The following EPS8 variants were observed in gnomAD, a reference collection of about 807,000 sequenced individuals.
EPS8 encodes the protein epidermal growth factor receptor kinase substrate 8.
A neutral mutation model predicts 103.8 loss-of-function variants in EPS8; 42 were observed. That is an observed-to-expected ratio of 0.40 (90% CI 0.32 to 0.52). The LOEUF (loss-of-function observed/expected upper bound fraction) is 0.52. Among genes scored for constraint, EPS8 ranks in the 20% least tolerant of loss-of-function variants. The probability of loss-of-function intolerance (pLI) is 0.40; values close to 1 mark genes in which losing one functional copy is unlikely to be tolerated. For synonymous variants in EPS8, 344 were observed against 344.6 expected (o/e 1.00, Z 0.02); for missense variants, 969 against 1,005.1 (o/e 0.96, Z 0.49).
rs768288817 is a variant in EPS8 at position 15,702,193 on chromosome 12, T to A, written c.-21-19221A>T. Among the ~76,000 whole-genome samples the A allele has an allele frequency of 1.1e-4, 16 of 152,130 alleles. No homozygotes were observed. The highest frequency in any genetic ancestry group is 1.2e-4 in the Non-Finnish European group (8 of 68,010). On this transcript the variant is annotated intron_variant, in intron 1 of 20. Coordinates refer to ENST00000281172, the MANE Select transcript of EPS8 (RefSeq NM_004447.6). The surrounding 1 kb of genome is among the most constrained non-coding windows in gnomAD (Gnocchi z 5.1). ...AGAGCAGCAGCCTAAGGAAACAGAA[T>A]ATATTCCCCCTGTTAACACCACTCT... is the stretch of plus-strand genomic sequence containing the variant.
rs1946199103 is a variant in EPS8 at position 15,693,285 on chromosome 12, T to C, written c.-21-10313A>G. Among the ~76,000 whole-genome samples, 1 of 152,194 alleles carries C rather than the reference T, an allele frequency of 6.6e-6. No individual in the cohort carries two copies. Among genetic ancestry groups the C allele is most frequent in the Non-Finnish European group, 1.5e-5 (1 of 68,038 alleles). On this transcript the variant is annotated intron_variant, in intron 1 of 20. Coordinates refer to ENST00000281172, the MANE Select transcript of EPS8 (RefSeq NM_004447.6). This position sits in a 1 kb window ranked among gnomAD's most constrained non-coding sequence, Gnocchi z 5.6. ...AATAAGTGGAAGAAGTCAGCCAGGG[T>C]TGTCTTACTGTTTACTAAGCATTTC...
In EPS8 at chr12:15,712,101, T is replaced by G. The variant is rs572328009; in HGVS notation, c.-21-29129A>C. The stretch of plus-strand genomic sequence containing the variant: ...TTATAGATCTTTATATATTATGAAT[T>G]ACATGTTTGTCACTAACTCAAGTTT... On this transcript the variant is annotated intron_variant, in intron 1 of 20. Coordinates refer to ENST00000281172, the MANE Select transcript of EPS8 (RefSeq NM_004447.6). 2.6e-5 allele frequency among the ~76,000 whole-genome samples: 4 copies of G among 152,300 alleles called. No homozygotes were observed. The East Asian group carries it at 5.8e-4, about 22-fold the overall frequency.
chr12:15,750,076 A>G (rs957434316), intron 1 of EPS8, among the ~76,000 whole-genome samples: 4 of 152,168 alleles, frequency 2.6e-5, no homozygotes, highest in Non-Finnish European at 5.9e-5. Flanking sequence ...GGATGAAGAT[A>G]AGAAGAAAAC....
chr12:15,643,370 C>T (rs1180919614), intron 15 of EPS8, among the ~76,000 whole-genome samples: 1 of 152,052 alleles, frequency 6.6e-6, no homozygotes, highest in Non-Finnish European at 1.5e-5. Context: ...TTTTTGCCCT[C>T]TATATGTTAA....
At position 15,749,307 on chromosome 12, in the gene EPS8, A is replaced by AT. The variant is rs1337450876; in HGVS notation, c.-22+39853dup. ...CGCTGTCTGTGGCATTTCATTGACA[A>AT]TTCATGCATTATAATTTATTGAAAT... On this transcript the variant is annotated intron_variant, in intron 1 of 20. Transcript: ENST00000281172. The surrounding 1 kb of genome is among the most constrained non-coding windows in gnomAD (Gnocchi z 4.0). Among the ~76,000 whole-genome samples the AT allele has an allele frequency of 1.3e-5, 2 of 152,094 alleles. No homozygotes were observed. Among genetic ancestry groups the AT allele is most frequent in the Non-Finnish European group, 2.9e-5 (2 of 68,018 alleles).
At chr12:15,783,278 G>A (rs1439618132) in intron 1 of EPS8, among the ~76,000 whole-genome samples, 7 of 152,034 alleles carry the variant, frequency 4.6e-5, no homozygotes, top group Non-Finnish European at 1.0e-4. Flanking sequence ...GTAGTTTATT[G>A]TAAGAATACA....
chr12:15,667,643 G>A (rs1274301657), intron 6 of EPS8, among the ~76,000 whole-genome samples: 1 of 151,940 alleles, frequency 6.6e-6, no homozygotes, highest in Admixed American at 6.6e-5. Flanking sequence ...TGCAAAGGTG[G>A]GCAGGAGCAT....
At position 15,689,926 on chromosome 12, in the gene EPS8, G is replaced by A. The variant is rs78182898; in HGVS notation, c.-21-6954C>T. Reference sequence around the variant, plus strand: ...AAACATTGGTAATATCATCTTTAATGAGACTGAAACGCCTGAATTCAAATT... The same window carrying A: ...AAACATTGGTAATATCATCTTTAATAAGACTGAAACGCCTGAATTCAAATT... On this transcript the variant is annotated intron_variant, in intron 1 of 20. Transcript: ENST00000281172. Among the ~76,000 whole-genome samples the A allele has an allele frequency of 4.5e-3, 691 of 152,314 alleles. 2 individuals are homozygous for A. The highest frequency in any genetic ancestry group is 5.6e-3 in the Non-Finnish European group (383 of 68,026).
At chr12:15,680,428 C>T (rs1281722022) in intron 3 of EPS8, among the ~76,000 whole-genome samples, 1 of 152,092 alleles carries the variant, frequency 6.6e-6, no homozygotes, top group African/African-American at 2.4e-5. Context: ...TTATTTAATG[C>T]TCATTTCAAC....
intron 12 of EPS8, 139 bp from the exon 13 acceptor site, chr12:15,654,432 C>T (rs1945472333): frequency 2.6e-6 from 2 of 774,290 alleles, no homozygotes; most frequent in Non-Finnish European, 4.2e-6. Context: ...CAATGTGCTA[C>T]TGAATGAAGA....
At chr12:15,744,114 C>A (rs1405447606) in intron 1 of EPS8, among the ~76,000 whole-genome samples, 1 of 152,212 alleles carries the variant, frequency 6.6e-6, no homozygotes, top group Non-Finnish European at 1.5e-5. Flanking sequence ...TATGAACTGA[C>A]ACTTCTCAAA....
rs1946927368 is a variant in EPS8 at position 15,751,147 on chromosome 12, C to T, written c.-22+38014G>A. ...ACGAGGCAGGCGGATCACTTGAGGT[C>T]AGGAGTTCGAGACCAGCCAGGCCAA... On this transcript the variant is annotated intron_variant, in intron 1 of 20. Transcript: ENST00000281172. This position sits in a 1 kb window ranked among gnomAD's most constrained non-coding sequence, Gnocchi z 4.3. 6.6e-6 allele frequency among the ~76,000 whole-genome samples: 1 copy of T among 152,082 alleles called. No homozygotes were observed. The highest frequency in any genetic ancestry group is 1.5e-5 in the Non-Finnish European group (1 of 68,018).
intron 1 of EPS8, among the ~76,000 whole-genome samples, chr12:15,703,723 G>T (rs1184641478): frequency 6.6e-6 from 1 of 150,654 alleles, no homozygotes; most frequent in Non-Finnish European, 1.5e-5. Context: ...CATTCTGGAA[G>T]GCAGACTAGA....
chr12:15,677,736 G>A (rs1380914063), intron 3 of EPS8, among the ~76,000 whole-genome samples: 1 of 152,128 alleles, frequency 6.6e-6, no homozygotes, highest in Non-Finnish European at 1.5e-5. Context: ...TGCAGATGTG[G>A]TTTCTTTCTT....
At chr12:15,709,062 G>A (rs924866702) in intron 1 of EPS8, among the ~76,000 whole-genome samples, 3 of 152,128 alleles carry the variant, frequency 2.0e-5, no homozygotes, top group Non-Finnish European at 4.4e-5. Context: ...TCCAACAAAG[G>A]AGTAAAATGT....
chr12:15,739,826 C>T (rs537666277), intron 1 of EPS8, among the ~76,000 whole-genome samples: 1 of 152,294 alleles, frequency 6.6e-6, no homozygotes, highest in South Asian at 2.1e-4. Context: ...ATTTCTGTCT[C>T]TGGAGAACTC....
At chr12:15,663,950 T>TAA (rs375723916) in intron 8 of EPS8, among the ~76,000 whole-genome samples, 1 of 61,776 alleles carries the variant, frequency 1.6e-5, no homozygotes, top group African/African-American at 7.7e-5. Flanking sequence ...AAAAAAATAA[T>TAA]ATATATATAT....
chr12:15,788,872 A>G (rs1030672061), intron 1 of EPS8, among the ~76,000 whole-genome samples: 2 of 152,130 alleles, frequency 1.3e-5, no homozygotes, highest in Non-Finnish European at 2.9e-5. Flanking sequence ...TCAGGTTACC[A>G]TGAATATCAC....
intron 3 of EPS8, 113 bp from the exon 4 acceptor site, chr12:15,671,036 C>T: frequency 1.5e-6 from 1 of 652,440 alleles, no homozygotes; most frequent in East Asian, 2.8e-5. Context: ...AATACAGTAG[C>T]TGACAAGTTG....
Sources: allele counts gnomAD v4.1 joint callset (sites outside exome capture counted in the v4.1 genomes callset), GRCh38; gene constraint gnomAD v4.1.1; non-coding constraint Gnocchi (gnomAD v3.1); transcripts MANE v1.5; gene names NCBI Gene and HGNC (gene_info 2026-07-23, HGNC 2026-07-21).